C1orf167: variants seen among roughly 807,000 people sequenced by gnomAD.
C1orf167 encodes the protein uncharacterized protein C1orf167.
Under a neutral mutation model 176.5 loss-of-function variants are expected in C1orf167, and 153 were observed. The observed-to-expected ratio is 0.87, with a 90% CI of 0.76 to 0.99. The LOEUF (loss-of-function observed/expected upper bound fraction) is 0.99, where lower values mean the gene tolerates loss of function less well. Ranked by LOEUF, C1orf167 falls within the 50% of genes least tolerant of loss-of-function variation. The pLI, the probability that C1orf167 is intolerant of heterozygous loss-of-function variation, is 0.00. For missense variants in C1orf167, 1,490 were observed against 1,817.7 expected, an observed-to-expected ratio of 0.82 and a Z score of 3.28; for synonymous variants, 594 against 752.7, an observed-to-expected ratio of 0.79 and a Z score of 3.45.
intron 16 of C1orf167, chr1:11,786,066 A>C (rs1643858895): frequency 6.6e-6 from 1 of 151,788 alleles, no homozygotes; most frequent in Non-Finnish European, 1.5e-5. Context: ...AAAGTGAAAT[A>C]TGCTTATTAC....
rs761138686 is a variant in C1orf167 at position 11,766,023 on chromosome 1, TCC to T, written c.240_241del (p.Arg81ProfsTer97). On this transcript the variant is annotated frameshift_variant, in exon 3 of 21. Transcript: ENST00000688073. LOFTEE classifies it high-confidence loss of function. The surrounding 1 kb of genome is among the most constrained non-coding windows in gnomAD (Gnocchi z 4.5). ...TCCAGACCAACCTGGCCAGCCCTGGTCCCCGCCTGGGCCTAGCTCTGAAGGAC... is the reference window on the plus strand; with the variant it reads ...TCCAGACCAACCTGGCCAGCCCTGGTCCGCCTGGGCCTAGCTCTGAAGGAC... Reference protein sequence around the residue: ...RVQTNLASPGPRLGLALKDTT... With the variant: ...RVQTNLASPGXRLGLALKDTT... 7.8e-7 allele frequency: 1 copy of T among 1,289,724 alleles called. No homozygotes were observed. The allele number at this position is 1,289,724 out of a possible 1,614,324, so 79.9% of individuals were successfully genotyped here. A position where few individuals can be genotyped will look rare whatever the true frequency, so the allele number is the denominator to read the frequency against.
At chr1:11,776,804 C>T (rs1352635103) in intron 10 of C1orf167, among the ~76,000 whole-genome samples, 166 bp downstream of exon 10, 1 of 152,202 alleles carries the variant, frequency 6.6e-6, no homozygotes, top group African/African-American at 2.4e-5. Flanking sequence ...CACTGCGGTG[C>T]CCAGCCAATG....
chr1:11,771,047 G>GTATATATATA (rs1557726771), intron 6 of C1orf167, among the ~76,000 whole-genome samples: 1 of 33,572 alleles, frequency 3.0e-5, no homozygotes, highest in African/African-American at 9.0e-5. Context: ...GTGTGTGTGT[G>GTATATATATA]TGTATATATA....
chr1:11,773,173 A>C (rs919346125), intron 8 of C1orf167, among the ~76,000 whole-genome samples: 1 of 151,520 alleles, frequency 6.6e-6, no homozygotes, highest in East Asian at 2.0e-4. Context: ...GATTACAGGC[A>C]TGAGCCACCG....
chr1:11,762,867 A>G (rs1642578648), intron 1 of C1orf167, among the ~76,000 whole-genome samples: 1 of 152,160 alleles, frequency 6.6e-6, no homozygotes, highest in Admixed American at 6.5e-5. Context: ...CACTGGAGGG[A>G]GAAATACACT....
At position 11,789,287 on chromosome 1, in the gene C1orf167, C is replaced by T. The variant is rs1292078740; in HGVS notation, c.4191C>T (p.His1397=). 2 of 1,303,970 alleles carry T rather than the reference C, an allele frequency of 1.5e-6. No homozygotes were observed. Among genetic ancestry groups the T allele is most frequent in the Non-Finnish European group, 2.0e-6 (2 of 988,920 alleles). The allele number at this position is 1,303,970 out of a possible 1,614,324, so 80.8% of individuals were successfully genotyped here. A position where few individuals can be genotyped will look rare whatever the true frequency, so the allele number is the denominator to read the frequency against. Residue 1397 remains histidine (H), a synonymous_variant, in exon 21 of 21, where the codon CAC becomes CAT. Coordinates refer to ENST00000688073, the MANE Select transcript of C1orf167 (RefSeq NM_001010881.2). The part of the protein sequence containing the change: ...AAGRWAFKKW[H]QRLAARSPRR... ...GGTTCCAGGCCTTTAAGAAGTGGCA[C>T]CAACGCCTGGCAGCCAGGAGCCCAA...
At chr1:11,781,649 G>A (rs1425869972) in intron 13 of C1orf167, among the ~76,000 whole-genome samples, 5 of 152,124 alleles carry the variant, frequency 3.3e-5, no homozygotes, top group African/African-American at 4.8e-5. Context: ...AGTGGCTCAC[G>A]CCTGTAATCC....
Position 11,769,110 on chromosome 1 carries a change from C to T in C1orf167, c.1680C>T (p.Ser560=). 1.0e-6 allele frequency: 1 copy of T among 985,918 alleles called. No homozygotes were observed. 61.1% of individuals were successfully genotyped at this position (985,918 alleles called of 1,614,324 possible). Residue 560 remains serine (S), a synonymous_variant, in exon 6 of 21, where the codon AGC becomes AGT. Transcript: ENST00000688073. ...RSTVVDPAQR[S]RLEHTSPGSL... ...CAGTGGTGGACCCCGCCCAGAGAAG[C>T]AGGCTGGAACACACCAGGTTGGTCA...
Position 11,781,633 on chromosome 1 carries a change from G to A in C1orf167, c.2861-556G>A, listed in dbSNP as rs137985501. Among the ~76,000 whole-genome samples, 44 of 152,236 alleles carry A rather than the reference G, an allele frequency of 2.9e-4. No homozygotes were observed. In the East Asian group the frequency reaches 6.8e-3, roughly 23 times the overall value. On this transcript the variant is annotated intron_variant, in intron 13 of 20. Transcript: ENST00000688073. ...AAATTGAAAATTAGATTTTTGGGCC[G>A]GGCGCAGTGGCTCACGCCTGTAATC...
chr1:11,789,437 G>A lies in C1orf167; in HGVS notation c.4341G>A (p.Leu1447=), dbSNP rs1644017919. 7.7e-7 allele frequency: 1 copy of A among 1,303,724 alleles called. No individual in the cohort carries two copies. Among genetic ancestry groups the A allele is most frequent in the Non-Finnish European group, 1.0e-6 (1 of 988,836 alleles). 80.8% of individuals were successfully genotyped at this position (1,303,724 alleles called of 1,614,324 possible). Residue 1447 remains leucine (L), a synonymous_variant, in exon 21 of 21, where the codon CTG becomes CTA. Transcript: ENST00000688073. Reference sequence around the variant, plus strand: ...TTGGGGCAGAGCATGGGGCCCAGCTGCAGCTGTGACTTGTTCTCATAGAAT... The same window carrying A: ...TTGGGGCAGAGCATGGGGCCCAGCTACAGCTGTGACTTGTTCTCATAGAAT... ...WGLGAEHGAQ[L]QL
chr1:11,772,915 T>TATTATTATTATTATTATTTTATTATTA (rs1570396926), intron 8 of C1orf167, among the ~76,000 whole-genome samples: 1 of 151,300 alleles, frequency 6.6e-6, no homozygotes. Context: ...TTATTATTAT[T>TATTATTATTATTATTATTTTATTATTA]TGAGACGGAG....
At chr1:11,789,140 TG>T in intron 20 of C1orf167, 129 bp from the exon 21 acceptor site, 1 of 898,576 alleles carries the variant, frequency 1.1e-6, no homozygotes, top group Non-Finnish European at 1.5e-6. Flanking sequence ...CAAGACTGGC[TG>T]GCTGCTTGGG....
Position 11,779,887 on chromosome 1 carries a change from A to AGGGCTGTGCTG in C1orf167, c.2740_2750dup (p.Trp919CysfsTer78), listed in dbSNP as rs1557737422. On this transcript the variant is annotated frameshift_variant, in exon 13 of 21. Coordinates refer to ENST00000688073, the MANE Select transcript of C1orf167 (RefSeq NM_001010881.2). LOFTEE classifies it high-confidence loss of function. ...CCACCGGGCCTGGGATCGGACCTGC[A>AGGGCTGTGCTG]GGGCTGTGCTGGGCCTGTGGCGTCA... 13 of 1,303,174 alleles carry AGGGCTGTGCTG rather than the reference A, an allele frequency of 1.0e-5. No individual in the cohort carries two copies. Among genetic ancestry groups the AGGGCTGTGCTG allele is most frequent in the Non-Finnish European group, 1.3e-5 (13 of 988,870 alleles). The allele number at this position is 1,303,174 out of a possible 1,614,324, so 80.7% of individuals were successfully genotyped here.
chr1:11,763,165 T>C (rs559340988), intron 1 of C1orf167, among the ~76,000 whole-genome samples: 23 of 152,112 alleles, frequency 1.5e-4, no homozygotes, highest in Non-Finnish European at 2.9e-4. Context: ...CGGGGCTGGG[T>C]GTGGTGGCTC....
chr1:11,785,151 C>T lies in C1orf167; in HGVS notation c.3429C>T (p.Val1143=). Residue 1143 remains valine (V), a synonymous_variant, in exon 16 of 21, where the codon GTC becomes GTT. Transcript: ENST00000688073. ...AHASWKPRAW[V]LEASVQSAVR... ...CAGACTCCTTCCTCTCCCGCAGGGTCCTAGAGGCCTCGGTGCAGTCGGCGG... is the reference window on the plus strand; with the variant it reads ...CAGACTCCTTCCTCTCCCGCAGGGTTCTAGAGGCCTCGGTGCAGTCGGCGG... 1.5e-6 allele frequency: 2 copies of T among 1,290,650 alleles called. No homozygotes were observed. Among genetic ancestry groups the T allele is most frequent in the South Asian group, 2.5e-5 (2 of 80,936 alleles). The allele number at this position is 1,290,650 out of a possible 1,614,324, so 79.9% of individuals were successfully genotyped here. A position where few individuals can be genotyped will look rare whatever the true frequency, so the allele number is the denominator to read the frequency against.
chr1:11,782,878 C>G (rs916631096), intron 14 of C1orf167, among the ~76,000 whole-genome samples: 1 of 149,588 alleles, frequency 6.7e-6, no homozygotes, highest in African/African-American at 2.5e-5. Flanking sequence ...GAGATTGCAC[C>G]ACTGCACTCC....
intron 14 of C1orf167, among the ~76,000 whole-genome samples, chr1:11,783,197 A>G (rs1479748794): frequency 1.3e-5 from 2 of 152,144 alleles, no homozygotes; most frequent in Non-Finnish European, 1.5e-5. Context: ...TTGGCTACAG[A>G]ATGGCTGACG....
At chr1:11,764,884 G>A (rs964994147) in intron 2 of C1orf167, among the ~76,000 whole-genome samples, 8 of 151,916 alleles carry the variant, frequency 5.3e-5, no homozygotes, top group African/African-American at 1.2e-4. Flanking sequence ...GTGAAACTGC[G>A]TCTCTACAAA....
chr1:11,763,981 G>A (rs774494801), intron 1 of C1orf167, among the ~76,000 whole-genome samples: 6 of 152,186 alleles, frequency 3.9e-5, no homozygotes, highest in South Asian at 2.1e-4. Flanking sequence ...AGCTGGTTGC[G>A]AGGACGGCTG....
Sources: gnomAD v4.1 joint callset for allele counts (sites outside exome capture counted in the v4.1 genomes callset) on GRCh38, gnomAD v4.1.1 for gene constraint, Gnocchi (gnomAD v3.1) non-coding constraint, MANE v1.5 for transcripts, NCBI Gene and HGNC (gene_info 2026-07-23, HGNC 2026-07-21) for gene names.